Variants in SEPTIN9 observed in about 807,000 individuals in gnomAD.
SEPTIN9 encodes the protein septin 9.
A neutral mutation model predicts 56.6 loss-of-function variants in SEPTIN9; 13 were observed. The observed-to-expected ratio is 0.23, with a 90% CI of 0.15 to 0.37. The LOEUF (loss-of-function observed/expected upper bound fraction) is 0.37. Among genes scored for constraint, SEPTIN9 ranks in the 10% least tolerant of loss-of-function variants. The pLI, the probability that SEPTIN9 is intolerant of heterozygous loss-of-function variation, is 1.00. For synonymous variants in SEPTIN9, 332 were observed against 334.1 expected (o/e 0.99, Z 0.07); for missense variants, 650 against 823.1 (o/e 0.79, Z 2.57).
intron 2 of SEPTIN9, among the ~76,000 whole-genome samples, chr17:77,353,566 C>G (rs2034128023): frequency 6.6e-6 from 1 of 152,078 alleles, no homozygotes; most frequent in Non-Finnish European, 1.5e-5. Context: ...CCAATACCAT[C>G]TTTGCTTGTC....
chr17:77,499,017 G>A lies in SEPTIN9; in HGVS notation c.*359G>A. 1 of 539,850 alleles carries A rather than the reference G, an allele frequency of 1.9e-6. No homozygotes were observed. Among genetic ancestry groups the A allele is most frequent in the Non-Finnish European group, 3.6e-6 (1 of 278,984 alleles). 33.4% of individuals were successfully genotyped at this position (539,850 alleles called of 1,614,324 possible). On this transcript the variant is annotated 3_prime_UTR_variant, in exon 12 of 12. Coordinates refer to ENST00000427177, the MANE Select transcript of SEPTIN9 (RefSeq NM_001113491.2). Reference sequence around the variant, plus strand: ...TTCTCAGTGCCGGAGGCCTTGGGGTGGGGGCCAGGCCTCGCACTTGCAGAG... The same window carrying A: ...TTCTCAGTGCCGGAGGCCTTGGGGTAGGGGCCAGGCCTCGCACTTGCAGAG...
In SEPTIN9 at chr17:77,475,624, G is replaced by C. The variant is rs1241626990; in HGVS notation, c.722-6520G>C. The C allele has an allele frequency of 8.7e-6, 14 of 1,613,670 alleles. No individual in the cohort carries two copies. Among genetic ancestry groups the C allele is most frequent in the Non-Finnish European group, 1.2e-5 (14 of 1,179,876 alleles). On this transcript the variant is annotated intron_variant, in intron 3 of 11. Transcript: ENST00000427177. The surrounding 1 kb of genome is among the most constrained non-coding windows in gnomAD (Gnocchi z 4.6). ...GGAGCCTGCAGAGGGAGGGCAGCTGGAGGCTGCTCCAGTGTGCATTGTTAC... is the reference window on the plus strand; with the variant it reads ...GGAGCCTGCAGAGGGAGGGCAGCTGCAGGCTGCTCCAGTGTGCATTGTTAC...
chr17:77,349,123 G>A (rs1397457459), intron 2 of SEPTIN9, among the ~76,000 whole-genome samples: 1 of 151,720 alleles, frequency 6.6e-6, no homozygotes, highest in Non-Finnish European at 1.5e-5. Context: ...TTGAGACAGA[G>A]TCTCACTCTG....
At chr17:77,378,857 G>C (rs1386146844) in intron 2 of SEPTIN9, among the ~76,000 whole-genome samples, 1 of 151,850 alleles carries the variant, frequency 6.6e-6, no homozygotes, top group East Asian at 1.9e-4. Flanking sequence ...CCCCACCCTG[G>C]AGTGTCACAG....
chr17:77,444,482 G>A (rs893673447), intron 3 of SEPTIN9, among the ~76,000 whole-genome samples: 3 of 152,018 alleles, frequency 2.0e-5, no homozygotes, highest in African/African-American at 7.3e-5. Flanking sequence ...TCGGGGAGGG[G>A]GGTGTGGAGA....
chr17:77,423,377 T>A (rs2036773943), intron 3 of SEPTIN9, among the ~76,000 whole-genome samples: 1 of 152,122 alleles, frequency 6.6e-6, no homozygotes. Flanking sequence ...AAACATTGAG[T>A]TCCCCTTGAT....
Position 77,453,149 on chromosome 17 carries a change from C to T in SEPTIN9, c.722-28995C>T, listed in dbSNP as rs949765843. Among the ~76,000 whole-genome samples, 5 of 152,016 alleles carry T rather than the reference C, an allele frequency of 3.3e-5. No homozygotes were observed. The highest frequency in any genetic ancestry group is 6.6e-5 in the Admixed American group (1 of 15,262). On this transcript the variant is annotated intron_variant, in intron 3 of 11. Coordinates refer to ENST00000427177, the MANE Select transcript of SEPTIN9 (RefSeq NM_001113491.2). The surrounding 1 kb of genome is among the most constrained non-coding windows in gnomAD (Gnocchi z 4.4). ...GATGGTGATGGGGCCAATTCAGCTG[C>T]GGTGGGGAGGACCCACTGTGTGCGC...
In SEPTIN9 at chr17:77,453,579, T is replaced by G; in HGVS notation, c.722-28565T>G. ...GAGATTGTGCTACTGCACTCCAGTCTGGGCAACAAGAGTGAAACTCTGTCT... is the reference window on the plus strand; with the variant it reads ...GAGATTGTGCTACTGCACTCCAGTCGGGGCAACAAGAGTGAAACTCTGTCT... On this transcript the variant is annotated intron_variant, in intron 3 of 11. Coordinates refer to ENST00000427177, the MANE Select transcript of SEPTIN9 (RefSeq NM_001113491.2). The surrounding 1 kb of genome is among the most constrained non-coding windows in gnomAD (Gnocchi z 4.4). 6.9e-6 allele frequency among the ~76,000 whole-genome samples: 1 copy of G among 143,956 alleles called. No individual in the cohort carries two copies. 94.4% of individuals were successfully genotyped at this position (143,956 alleles called of 152,430 possible).
intron 2 of SEPTIN9, among the ~76,000 whole-genome samples, chr17:77,335,049 A>G (rs1160311194): frequency 1.3e-5 from 2 of 151,274 alleles, no homozygotes; most frequent in Non-Finnish European, 2.9e-5. Flanking sequence ...CCCTATGTTG[A>G]CTGTATATGT....
chr17:77,474,728 C>T (rs1490204503), intron 3 of SEPTIN9, among the ~76,000 whole-genome samples: 2 of 152,202 alleles, frequency 1.3e-5, no homozygotes, highest in African/African-American at 2.4e-5. Flanking sequence ...CTGGCTCTAC[C>T]GCTTACTCGC....
intron 1 of SEPTIN9, 60 bp from the exon 2 acceptor site, chr17:77,307,081 C>T (rs1002347848): frequency 2.0e-6 from 3 of 1,483,316 alleles, no homozygotes; most frequent in Admixed American, 3.3e-5. Flanking sequence ...GTTAATCATC[C>T]ACCCGGAGGG....
At chr17:77,398,470 G>T (rs529939294) in intron 2 of SEPTIN9, among the ~76,000 whole-genome samples, 1 of 152,308 alleles carries the variant, frequency 6.6e-6, no homozygotes, top group East Asian at 1.9e-4. Context: ...GGGGGCTGGA[G>T]TGGGCTTGGC....
Position 77,451,568 on chromosome 17 carries a change from T to TGGCTCGGG in SEPTIN9, c.722-30570_722-30563dup. The TGGCTCGGG allele has an allele frequency of 1.0e-6, 1 of 984,398 alleles. No homozygotes were observed. The allele number at this position is 984,398 out of a possible 1,614,324, so 61.0% of individuals were successfully genotyped here. A position where few individuals can be genotyped will look rare whatever the true frequency, so the allele number is the denominator to read the frequency against. ...TTTGTTCTTCCCAGCCTTGCACCACTGGCTCGGGGGCTCTCAGGTGGCGCG... is the reference window on the plus strand; with the variant it reads ...TTTGTTCTTCCCAGCCTTGCACCACTGGCTCGGGGGCTCGGGGGCTCTCAGGTGGCGCG... On this transcript the variant is annotated intron_variant, in intron 3 of 11. Coordinates refer to ENST00000427177, the MANE Select transcript of SEPTIN9 (RefSeq NM_001113491.2). The surrounding 1 kb of genome is among the most constrained non-coding windows in gnomAD (Gnocchi z 4.2).
rs138751734 is a variant in SEPTIN9 at position 77,404,462 on chromosome 17, G to C, written c.721+1759G>C. On this transcript the variant is annotated intron_variant, in intron 3 of 11. Transcript: ENST00000427177. The stretch of plus-strand genomic sequence containing the variant: ...AGGTTCTCACTAGGTTGCCCAGGCT[G>C]GTCTCAAACTCCTGGGTTCAAATGA... 2.6e-3 allele frequency among the ~76,000 whole-genome samples: 400 copies of C among 152,290 alleles called. 2 individuals carry two copies. Among genetic ancestry groups the C allele is most frequent in the African/African-American group, 9.3e-3 (388 of 41,570 alleles).
intron 3 of SEPTIN9, among the ~76,000 whole-genome samples, chr17:77,423,660 C>T (rs1362026414): frequency 1.3e-5 from 2 of 152,264 alleles, no homozygotes; most frequent in East Asian, 1.9e-4. Context: ...GCGGAGATCA[C>T]GTGGCTTGCG....
At chr17:77,283,687 A>G (rs1278640834) in intron 1 of SEPTIN9, among the ~76,000 whole-genome samples, 3 of 152,212 alleles carry the variant, frequency 2.0e-5, no homozygotes, top group Non-Finnish European at 4.4e-5. Context: ...CGGAATGACC[A>G]TAATGTTGTT....
intron 3 of SEPTIN9, among the ~76,000 whole-genome samples, chr17:77,468,494 T>C (rs866674292): frequency 3.3e-5 from 5 of 152,300 alleles, no homozygotes; most frequent in Middle Eastern, 3.4e-3. Flanking sequence ...TAACAAAGAC[T>C]TCAAGCATTT....
At position 77,371,743 on chromosome 17, in the gene SEPTIN9, C is replaced by T. The variant is rs566999832; in HGVS notation, c.77-30316C>T. The stretch of plus-strand genomic sequence containing the variant: ...GCTGCATTTCTGAAACCCGGGCTCC[C>T]AGGCCGACGAGGGTGTGCACGCATC... On this transcript the variant is annotated intron_variant, in intron 2 of 11. Coordinates refer to ENST00000427177, the MANE Select transcript of SEPTIN9 (RefSeq NM_001113491.2). This position sits in a 1 kb window ranked among gnomAD's most constrained non-coding sequence, Gnocchi z 4.1. Among the ~76,000 whole-genome samples, 1 of 152,322 alleles carries T rather than the reference C, an allele frequency of 6.6e-6. No homozygotes were observed. Among genetic ancestry groups the T allele is most frequent in the South Asian group, 2.1e-4 (1 of 4,830 alleles).
chr17:77,365,358 CCCTTCCTTTTTCTTT>C (rs1389786695), intron 2 of SEPTIN9, among the ~76,000 whole-genome samples: 2 of 152,032 alleles, frequency 1.3e-5, no homozygotes, highest in Admixed American at 1.3e-4. Context: ...CCCTTCCGTT[CCCTTCCTTTTTCTTT>C]CCTTCCTGTC....
Sources: gnomAD v4.1 joint callset for allele counts (sites outside exome capture counted in the v4.1 genomes callset) on GRCh38, gnomAD v4.1.1 for gene constraint, Gnocchi (gnomAD v3.1) non-coding constraint, MANE v1.5 for transcripts, NCBI Gene and HGNC (gene_info 2026-07-23, HGNC 2026-07-21) for gene names.